OPCML: variants seen among roughly 807,000 people sequenced by gnomAD.
The protein encoded by OPCML is opioid-binding protein/cell adhesion molecule.
A neutral mutation model predicts 37.8 loss-of-function variants in OPCML; 13 were observed. That is an observed-to-expected ratio of 0.34 (90% CI 0.22 to 0.55). OPCML has a LOEUF of 0.55. OPCML is among the 20% of genes least tolerant of loss of function. OPCML has a pLI of 0.91. For synonymous variants in OPCML, 176 were observed against 168.8 expected, an observed-to-expected ratio of 1.04 and a Z score of -0.33; for missense variants, 341 against 435.6, an observed-to-expected ratio of 0.78 and a Z score of 1.93.
chr11:132,902,864 T>C (rs188940555), intron 2 of OPCML, among the ~76,000 whole-genome samples: 78 of 152,238 alleles, frequency 5.1e-4, no homozygotes, highest in Non-Finnish European at 1.5e-5. Flanking sequence ...AGACTTTTCA[T>C]CTATTCTCAT....
At chr11:132,819,843 A>C (rs7342203) in intron 2 of OPCML, among the ~76,000 whole-genome samples, 1 of 151,970 alleles carries the variant, frequency 6.6e-6, no homozygotes, top group African/African-American at 2.4e-5. Flanking sequence ...GCTCGCTAAA[A>C]AACACATGTT....
intron 1 of OPCML, among the ~76,000 whole-genome samples, chr11:133,185,415 G>A (rs1166718733): frequency 6.6e-6 from 1 of 152,018 alleles, no homozygotes; most frequent in Non-Finnish European, 1.5e-5. Context: ...TGTCAGCAGG[G>A]CCTCACTGAG....
chr11:132,530,426 G>A (rs2096321377), intron 3 of OPCML, among the ~76,000 whole-genome samples: 1 of 151,822 alleles, frequency 6.6e-6, no homozygotes. Flanking sequence ...CTCCCACCGT[G>A]AACCTTCCAC....
At chr11:132,817,283 T>C (rs1019960043) in intron 2 of OPCML, 4 of 152,180 alleles carry the variant, frequency 2.6e-5, no homozygotes, top group Non-Finnish European at 4.4e-5. Context: ...CTTTTGAAGA[T>C]GATACACTCT....
At chr11:132,888,764 T>A (rs572071702) in intron 2 of OPCML, among the ~76,000 whole-genome samples, 3 of 151,948 alleles carry the variant, frequency 2.0e-5, no homozygotes, top group Admixed American at 1.3e-4. Context: ...AAGGCAAACA[T>A]CTCTAATGTC....
At chr11:133,223,022 G>A (rs1353906508) in intron 1 of OPCML, among the ~76,000 whole-genome samples, 1 of 152,186 alleles carries the variant, frequency 6.6e-6, no homozygotes, top group Non-Finnish European at 1.5e-5. Context: ...ACAACCATGG[G>A]TGCAAGAAGC....
intron 4 of OPCML, among the ~76,000 whole-genome samples, chr11:132,479,866 T>C (rs2096172840): frequency 6.6e-6 from 1 of 151,962 alleles, no homozygotes; most frequent in Admixed American, 6.6e-5. Context: ...AAAAAACCCA[T>C]CTGTACATCA....
At chr11:133,108,133 G>T (rs746810296) in intron 1 of OPCML, among the ~76,000 whole-genome samples, 5 of 152,200 alleles carry the variant, frequency 3.3e-5, no homozygotes, top group South Asian at 2.1e-4. Context: ...AATTAGCAAA[G>T]AAATAAGCCT....
At chr11:133,176,249 T>C (rs1027117742) in intron 1 of OPCML, among the ~76,000 whole-genome samples, 3 of 151,958 alleles carry the variant, frequency 2.0e-5, no homozygotes, top group African/African-American at 7.3e-5. Context: ...CTGTGCAAAC[T>C]CAAAGCTGTG....
At chr11:132,897,781 T>C (rs1354889879) in intron 2 of OPCML, among the ~76,000 whole-genome samples, 3 of 152,182 alleles carry the variant, frequency 2.0e-5, no homozygotes, top group Non-Finnish European at 4.4e-5. Context: ...GATTAGGTAC[T>C]GATTCACAGG....
At chr11:132,975,354 T>C (rs1414728117) in intron 1 of OPCML, among the ~76,000 whole-genome samples, 1 of 151,542 alleles carries the variant, frequency 6.6e-6, no homozygotes, top group Non-Finnish European at 1.5e-5. Flanking sequence ...AAATGAACCA[T>C]GCAAAGTTTT....
chr11:133,133,570 A>C (rs1242393583), intron 1 of OPCML, among the ~76,000 whole-genome samples: 1 of 152,128 alleles, frequency 6.6e-6, no homozygotes. Context: ...CACCCTCGGA[A>C]AACGTGTCCC....
chr11:133,284,003 C>T (rs138378157), intron 1 of OPCML, among the ~76,000 whole-genome samples: 28 of 152,230 alleles, frequency 1.8e-4, no homozygotes, highest in Non-Finnish European at 3.7e-4. Flanking sequence ...TGTCACTTTC[C>T]GCCAGCAGTA....
At chr11:132,740,678 AT>A (rs1189719155) in intron 2 of OPCML, among the ~76,000 whole-genome samples, 1 of 152,212 alleles carries the variant, frequency 6.6e-6, no homozygotes, top group Non-Finnish European at 1.5e-5. Context: ...ACTTCTTAAA[AT>A]ATTCTCAAAA....
chr11:133,228,275 G>C (rs550560729), intron 1 of OPCML, among the ~76,000 whole-genome samples: 1 of 152,274 alleles, frequency 6.6e-6, no homozygotes, highest in African/African-American at 2.4e-5. Context: ...ACATGAGGAG[G>C]TGAGCATAGC....
intron 2 of OPCML, among the ~76,000 whole-genome samples, chr11:132,714,860 ATG>A (rs1300916352): frequency 2.0e-5 from 3 of 152,168 alleles, no homozygotes; most frequent in Non-Finnish European, 4.4e-5. Context: ...AGCTAGGATG[ATG>A]TGGAAGATAA....
intron 1 of OPCML, among the ~76,000 whole-genome samples, chr11:132,968,003 A>G (rs898190018): frequency 2.0e-5 from 3 of 152,176 alleles, no homozygotes; most frequent in African/African-American, 7.2e-5. Context: ...CTGATACATT[A>G]TTGTCACCTA....
chr11:133,287,064 C>G (rs1420932582), intron 1 of OPCML, among the ~76,000 whole-genome samples: 1 of 152,096 alleles, frequency 6.6e-6, no homozygotes, highest in East Asian at 1.9e-4. Flanking sequence ...GAGAGCAATT[C>G]CTGGCCCTTT....
At position 132,446,750 on chromosome 11, in the gene OPCML, TA is replaced by T. The variant is rs562095265; in HGVS notation, c.506-9392del. ...GTTCTGAGAAGTAAAAGTACTGCTT[TA>T]AAAAAAAACCTTCATAATTAAACGA... On this transcript the variant is annotated intron_variant, in intron 4 of 7. Transcript: ENST00000524381. Among the ~76,000 whole-genome samples the T allele has an allele frequency of 2.2e-4, 33 of 151,530 alleles. No individual in the cohort carries two copies. In the South Asian group the frequency reaches 5.5e-3, roughly 25 times the overall value.
Sources: allele counts gnomAD v4.1 joint callset (sites outside exome capture counted in the v4.1 genomes callset), GRCh38; gene constraint gnomAD v4.1.1; transcripts MANE v1.5; gene names NCBI Gene and HGNC (gene_info 2026-07-23, HGNC 2026-07-21).